Variants in CAST observed in about 807,000 individuals in gnomAD.
CAST encodes MIR583 host.
A neutral mutation model predicts 119.6 loss-of-function variants in CAST; 76 were observed. That is an observed-to-expected ratio of 0.64 (90% CI 0.53 to 0.77). The LOEUF is 0.77. Among genes scored for constraint, CAST ranks in the 30% least tolerant of loss-of-function variants. The pLI, the probability that CAST is intolerant of heterozygous loss-of-function variation, is 0.00. For missense variants in CAST, 953 were observed against 946.5 expected (o/e 1.01, Z -0.09); for synonymous variants, 319 against 331.6 (o/e 0.96, Z 0.41).
At chr5:96,310,320 G>A in the CAST span, among the ~76,000 whole-genome samples, 19 of 152,150 alleles carry the variant, frequency 1.2e-4, no homozygotes, top group Non-Finnish European at 2.4e-4. Flanking sequence ...ATGTGTAGTT[G>A]AATTTTGTTT....
chr5:96,342,037 CA>C, the CAST span, among the ~76,000 whole-genome samples: 2 of 152,102 alleles, frequency 1.3e-5, no homozygotes, highest in Admixed American at 6.5e-5. Context: ...AATGTGAGAC[CA>C]AACTGAATCC....
the CAST span, among the ~76,000 whole-genome samples, chr5:95,978,321 A>T: frequency 1.3e-5 from 2 of 152,056 alleles, no homozygotes; most frequent in Admixed American, 6.5e-5. Context: ...TTATGTTTTG[A>T]CTTTTTAATT....
the CAST span, among the ~76,000 whole-genome samples, chr5:96,260,972 G>C: frequency 6.6e-6 from 1 of 152,198 alleles, no homozygotes; most frequent in African/African-American, 2.4e-5. Flanking sequence ...CAGAGCTAAA[G>C]ACTAATGGAA....
the CAST span, among the ~76,000 whole-genome samples, chr5:96,074,631 T>C: frequency 3.9e-5 from 6 of 152,202 alleles, no homozygotes; most frequent in Non-Finnish European, 5.9e-5. Flanking sequence ...AAGTTTCCAC[T>C]GCTTCCCACA....
At chr5:96,619,513 T>C (rs941601780) in intron 1 of CAST, among the ~76,000 whole-genome samples, 11 of 152,244 alleles carry the variant, frequency 7.2e-5, no homozygotes, top group Non-Finnish European at 1.6e-4. Flanking sequence ...AGCAGCAACC[T>C]GCTGGGTCCT....
chr5:96,602,069 T>C (rs1747164161), intron 1 of CAST, among the ~76,000 whole-genome samples: 1 of 152,148 alleles, frequency 6.6e-6, no homozygotes, highest in South Asian at 2.1e-4. Context: ...ACTTACCCAC[T>C]CTGAACAGCA....
At chr5:96,144,201 T>C in the CAST span, among the ~76,000 whole-genome samples, 1 of 152,170 alleles carries the variant, frequency 6.6e-6, no homozygotes, top group South Asian at 2.1e-4. Flanking sequence ...TTGAAAGTTA[T>C]CATTAAGAAT....
chr5:96,482,320 A>G, the CAST span, among the ~76,000 whole-genome samples: 1 of 151,818 alleles, frequency 6.6e-6, no homozygotes. Flanking sequence ...CTGAAGTCAG[A>G]AGGCTGCCTA....
the CAST span, among the ~76,000 whole-genome samples, chr5:96,153,959 T>C: frequency 1.8e-4 from 28 of 152,318 alleles, no homozygotes; most frequent in African/African-American, 6.7e-4. Flanking sequence ...TATGTTATTA[T>C]TTGAAGTCAT....
At chr5:96,372,034 G>T in the CAST span, among the ~76,000 whole-genome samples, 3 of 152,064 alleles carry the variant, frequency 2.0e-5, no homozygotes, top group African/African-American at 7.2e-5. Flanking sequence ...CCAATATTGT[G>T]CAGAAATGCT....
the CAST span, among the ~76,000 whole-genome samples, chr5:96,326,947 C>T: frequency 6.6e-6 from 1 of 152,126 alleles, no homozygotes; most frequent in African/African-American, 2.4e-5. Context: ...GGTAGCTGTT[C>T]CTTCTCTGGA....
chr5:96,199,935 C>T, the CAST span, among the ~76,000 whole-genome samples: 1 of 152,140 alleles, frequency 6.6e-6, no homozygotes, highest in African/African-American at 2.4e-5. Flanking sequence ...ATTAACCTCC[C>T]TTTAAAGTAC....
Position 96,598,962 on chromosome 5 carries a change from C to T in CAST, c.60+69082C>T, listed in dbSNP as rs553519407. 2.0e-5 allele frequency among the ~76,000 whole-genome samples: 3 copies of T among 152,302 alleles called. No individual in the cohort carries two copies. The South Asian group carries it at 6.2e-4, about 32-fold the overall frequency. On this transcript the variant is annotated intron_variant, in intron 1 of 11. Transcript: ENST00000505143. ...TTGACCCTGCCAGCTTTCAGCCTGG[C>T]ACTATACCACAGGCTTCTCTGGTTC...
the CAST span, among the ~76,000 whole-genome samples, chr5:96,128,100 A>G: frequency 6.6e-6 from 1 of 152,100 alleles, no homozygotes; most frequent in East Asian, 1.9e-4. Flanking sequence ...GGAATTTCAA[A>G]TTAACTTCTG....
the CAST span, among the ~76,000 whole-genome samples, chr5:96,326,351 T>A: frequency 6.6e-6 from 1 of 152,204 alleles, no homozygotes; most frequent in African/African-American, 2.4e-5. Context: ...CTACCCTTAC[T>A]CTCATCCTAA....
At chr5:96,614,022 T>C (rs1405628924) in intron 1 of CAST, among the ~76,000 whole-genome samples, 23 of 152,222 alleles carry the variant, frequency 1.5e-4, no homozygotes, top group Admixed American at 1.5e-3. Context: ...ATGTCTATTT[T>C]GTAATGAAGG....
the CAST span, among the ~76,000 whole-genome samples, chr5:96,005,015 A>G: frequency 1.2e-4 from 18 of 152,360 alleles, no homozygotes; most frequent in African/African-American, 4.1e-4. Flanking sequence ...ACAATGGAGT[A>G]ATGCCTCTAG....
intron 1 of CAST, among the ~76,000 whole-genome samples, chr5:96,540,721 T>C (rs2150179737): frequency 6.6e-6 from 1 of 152,346 alleles, no homozygotes; most frequent in Middle Eastern, 3.4e-3. Flanking sequence ...CAAGTTCCTC[T>C]AAGCTCCGGT....
chr5:96,093,967 G>A, the CAST span, among the ~76,000 whole-genome samples: 1 of 152,068 alleles, frequency 6.6e-6, no homozygotes, highest in South Asian at 2.1e-4. Context: ...CCTATTCCTG[G>A]TTGGCAATCT....
Sources: gnomAD v4.1 joint callset for allele counts (sites outside exome capture counted in the v4.1 genomes callset) on GRCh38, gnomAD v4.1.1 for gene constraint, MANE v1.5 for transcripts, NCBI Gene and HGNC (gene_info 2026-07-23, HGNC 2026-07-21) for gene names.